LAMA2: variants seen among roughly 807,000 people sequenced by gnomAD.
LAMA2 encodes laminin subunit alpha-2.
LAMA2 carries 269 observed loss-of-function variants against 364.8 expected under a neutral mutation model. The observed-to-expected ratio is 0.74, with a 90% confidence interval of 0.67 to 0.82. The LOEUF (loss-of-function observed/expected upper bound fraction) is 0.82. Ranked by LOEUF, LAMA2 falls within the 40% of genes least tolerant of loss-of-function variation. The pLI, the probability that LAMA2 is intolerant of heterozygous loss-of-function variation, is 0.00. For synonymous variants in LAMA2, 1,379 were observed against 1,370.6 expected (o/e 1.01, Z -0.14); for missense variants, 3,807 against 3,873.2 (o/e 0.98, Z 0.45).
chr6:128,986,950 C>T (rs914674349), intron 1 of LAMA2, among the ~76,000 whole-genome samples: 3 of 151,908 alleles, frequency 2.0e-5, no homozygotes, highest in Non-Finnish European at 2.9e-5. Context: ...TAATGTGTAA[C>T]CATTTTATTT....
intron 49 of LAMA2, among the ~76,000 whole-genome samples, chr6:129,462,871 A>G (rs1783331263): frequency 6.6e-6 from 1 of 152,048 alleles, no homozygotes; most frequent in African/African-American, 2.4e-5. Context: ...AGTGAGGCTA[A>G]AAGAGGTAGA....
At chr6:129,129,923 CAAAAAAAAA>C (rs543305057) in intron 4 of LAMA2, among the ~76,000 whole-genome samples, 1 of 76,318 alleles carries the variant, frequency 1.3e-5, no homozygotes, top group Non-Finnish European at 2.8e-5. Flanking sequence ...GATTCCGTCT[CAAAAAAAAA>C]AAAAAAAAAA....
intron 32 of LAMA2, among the ~76,000 whole-genome samples, chr6:129,362,701 G>C (rs1777536866): frequency 6.6e-6 from 1 of 152,168 alleles, no homozygotes; most frequent in African/African-American, 2.4e-5. Context: ...AGCCCAAACA[G>C]GCATAAGTGT....
At chr6:128,963,025 C>CT (rs1459310224) in intron 1 of LAMA2, among the ~76,000 whole-genome samples, 1 of 151,912 alleles carries the variant, frequency 6.6e-6, no homozygotes, top group Non-Finnish European at 1.5e-5. Context: ...TTAAATATTC[C>CT]TTTTTTGGAA....
At chr6:129,268,411 C>A (rs971778366) in intron 16 of LAMA2, among the ~76,000 whole-genome samples, 1 of 152,054 alleles carries the variant, frequency 6.6e-6, no homozygotes, top group Non-Finnish European at 1.5e-5. Flanking sequence ...CAGCCCAAAA[C>A]TGACATGGAA....
intron 32 of LAMA2, among the ~76,000 whole-genome samples, chr6:129,360,828 G>A (rs905228346): frequency 2.0e-5 from 3 of 152,116 alleles, no homozygotes; most frequent in African/African-American, 7.2e-5. Context: ...TGGCATTCTA[G>A]TACACCGTAG....
Position 128,929,832 on chromosome 6 carries a change from C to T in LAMA2, c.112+46475C>T, listed in dbSNP as rs551584997. 4.0e-5 allele frequency: 41 copies of T among 1,034,242 alleles called. No individual in the cohort carries two copies. In the South Asian group the frequency reaches 4.8e-4, roughly 12 times the overall value. The allele number at this position is 1,034,242 out of a possible 1,614,324, so 64.1% of individuals were successfully genotyped here. A position where few individuals can be genotyped will look rare whatever the true frequency, so the allele number is the denominator to read the frequency against. ...GAGTCTTGGTAGAAGATACGCAGTC[C>T]CTTGTAAGTGAAAAACTTGCCTGAA... On this transcript the variant is annotated intron_variant, in intron 1 of 64. Coordinates refer to ENST00000421865, the MANE Select transcript of LAMA2 (RefSeq NM_000426.4).
intron 1 of LAMA2, among the ~76,000 whole-genome samples, chr6:128,943,244 G>C (rs1780269856): frequency 6.7e-6 from 1 of 148,212 alleles, no homozygotes; most frequent in Non-Finnish European, 1.5e-5. Context: ...TAAATACACA[G>C]AGAGAGTGTG....
intron 58 of LAMA2, among the ~76,000 whole-genome samples, chr6:129,500,256 T>A (rs73776193): frequency 0.026 from 3,954 of 152,264 alleles, 163 homozygotes; most frequent in African/African-American, 0.087. Flanking sequence ...CTTTTCCAAC[T>A]GCCAGTTTAA....
intron 42 of LAMA2, among the ~76,000 whole-genome samples, chr6:129,439,913 A>C (rs2114763634): frequency 6.6e-6 from 1 of 151,044 alleles, no homozygotes; most frequent in East Asian, 2.0e-4. Context: ...CAGAATAGTC[A>C]CTTCACTACT....
At chr6:128,911,047 A>T (rs953864003) in intron 1 of LAMA2, among the ~76,000 whole-genome samples, 1 of 151,776 alleles carries the variant, frequency 6.6e-6, no homozygotes, top group Non-Finnish European at 1.5e-5. Context: ...CAAAGCTGTC[A>T]GACAGGGACA....
intron 8 of LAMA2, among the ~76,000 whole-genome samples, chr6:129,160,739 T>G (rs983449419): frequency 2.6e-5 from 4 of 151,956 alleles, no homozygotes; most frequent in Non-Finnish European, 5.9e-5. Context: ...CTGTTTCTCA[T>G]GAATTCAGGA....
intron 12 of LAMA2, among the ~76,000 whole-genome samples, chr6:129,211,119 A>C (rs1238499403): frequency 2.0e-5 from 3 of 152,222 alleles, no homozygotes; most frequent in Non-Finnish European, 2.9e-5. Context: ...TGCCAAATAT[A>C]ATCTTACACT....
chr6:129,165,133 A>ATGTATATATG (rs1169500971), intron 8 of LAMA2, among the ~76,000 whole-genome samples: 16 of 151,876 alleles, frequency 1.1e-4, no homozygotes, highest in African/African-American at 3.9e-4. Flanking sequence ...GCCTAGATAT[A>ATGTATATATG]TATACATATG....
intron 3 of LAMA2, among the ~76,000 whole-genome samples, chr6:129,063,038 A>G (rs1465807151): frequency 6.6e-6 from 1 of 151,694 alleles, no homozygotes; most frequent in African/African-American, 2.4e-5. Flanking sequence ...TTACTAAGGG[A>G]TTATTAACTT....
intron 1 of LAMA2, among the ~76,000 whole-genome samples, chr6:128,973,909 A>G (rs1582801303): frequency 6.6e-6 from 1 of 152,006 alleles, no homozygotes; most frequent in African/African-American, 2.4e-5. Context: ...ATGCTGTGGG[A>G]CCTCTATGCC....
intron 3 of LAMA2, among the ~76,000 whole-genome samples, chr6:129,066,623 T>G (rs1789376930): frequency 6.6e-6 from 1 of 152,186 alleles, no homozygotes; most frequent in African/African-American, 2.4e-5. Context: ...GCTAAAGCAA[T>G]CTTGAGCAAA....
At chr6:129,324,262 A>G (rs1363236216) in intron 28 of LAMA2, among the ~76,000 whole-genome samples, 1 of 152,242 alleles carries the variant, frequency 6.6e-6, no homozygotes, top group Non-Finnish European at 1.5e-5. Flanking sequence ...ATGTATGACA[A>G]TTATTAAACA....
chr6:128,926,022 C>G (rs935221272), intron 1 of LAMA2, among the ~76,000 whole-genome samples: 10 of 152,142 alleles, frequency 6.6e-5, no homozygotes, highest in Admixed American at 6.6e-4. Flanking sequence ...ATGAGCCATT[C>G]TATTCTCATG....
Sources: gnomAD v4.1 joint callset for allele counts (sites outside exome capture counted in the v4.1 genomes callset) on GRCh38, gnomAD v4.1.1 for gene constraint, MANE v1.5 for transcripts, NCBI Gene and HGNC (gene_info 2026-07-23, HGNC 2026-07-21) for gene names.